The following ZYG11B variants were observed in gnomAD, a reference collection of about 807,000 sequenced individuals.
ZYG11B encodes the protein zyg-11 family member B, cell cycle regulator.
Under a neutral mutation model 82.4 loss-of-function variants are expected in ZYG11B, and 36 were observed. The ratio of observed to expected loss-of-function variants is 0.44; its 90% confidence interval spans 0.33 to 0.58. The LOEUF is 0.58. Among genes scored for constraint, ZYG11B ranks in the 20% least tolerant of loss-of-function variants. The pLI, the probability that ZYG11B is intolerant of heterozygous loss-of-function variation, is 0.02. For missense variants in ZYG11B, 552 were observed against 895.6 expected, an observed-to-expected ratio of 0.62 and a Z score of 4.90; for synonymous variants, 303 against 312.8, an observed-to-expected ratio of 0.97 and a Z score of 0.33.
At chr1:52,780,972 ATC>A in intron 4 of ZYG11B, among the ~76,000 whole-genome samples, 1 of 152,114 alleles carries the variant, frequency 6.6e-6, no homozygotes. Flanking sequence ...GCGAAACCCC[ATC>A]TCTACTAAAA....
rs993811143 is a variant in ZYG11B, at chr1:52,785,119, A to G, written c.1269+66A>G. 6 of 1,510,626 alleles carry G rather than the reference A, an allele frequency of 4.0e-6. No homozygotes were observed. In the African/African-American group the frequency reaches 8.4e-5, roughly 21 times the overall value. The allele number at this position is 1,510,626 out of a possible 1,614,324, so 93.6% of individuals were successfully genotyped here. ...GTCTTCTACTCATCTCCTACAGTTC[A>G]GTTTAATAGACCAAGGCTGGAAATT... On this transcript the variant is annotated intron_variant, in intron 5 of 13. Transcript: ENST00000294353.
At chr1:52,747,588 T>TC (rs1408180729) in intron 1 of ZYG11B, among the ~76,000 whole-genome samples, 1 of 151,288 alleles carries the variant, frequency 6.6e-6, no homozygotes, top group Non-Finnish European at 1.5e-5. Flanking sequence ...CTTTTTTTTT[T>TC]CTCTCTCTCG....
chr1:52,753,304 T>C (rs11206007), intron 1 of ZYG11B, among the ~76,000 whole-genome samples: 5,945 of 152,276 alleles, frequency 0.039, 364 homozygotes, highest in African/African-American at 0.13. Flanking sequence ...TAAGCTGTTT[T>C]CCAAGGCAGC....
intron 10 of ZYG11B, among the ~76,000 whole-genome samples, chr1:52,803,243 CACACACAT>C (rs767528615): frequency 0.014 from 713 of 51,802 alleles, 72 homozygotes; most frequent in African/African-American, 0.08. Flanking sequence ...TATATATACA[CACACACAT>C]ATATATATAT....
At chr1:52,734,312 G>A (rs1644359333) in intron 1 of ZYG11B, among the ~76,000 whole-genome samples, 1 of 151,992 alleles carries the variant, frequency 6.6e-6, no homozygotes, top group Non-Finnish European at 1.5e-5. Flanking sequence ...TGAATGTAAT[G>A]ATGTGAGCCT....
intron 13 of ZYG11B, among the ~76,000 whole-genome samples, chr1:52,821,088 TAAA>T (rs753617042): frequency 1.6e-5 from 2 of 122,118 alleles, no homozygotes; most frequent in Non-Finnish European, 3.6e-5. Context: ...AGACTCTGTC[TAAA>T]AAAAAAAAAA....
chr1:52,779,167 A>G (rs1644834037), intron 3 of ZYG11B, among the ~76,000 whole-genome samples: 1 of 152,196 alleles, frequency 6.6e-6, no homozygotes. Flanking sequence ...TTGCTGAGAA[A>G]AAGCTTGACT....
In ZYG11B at chr1:52,771,345, T is replaced by C; in HGVS notation, c.522T>C (p.Phe174=). The C allele has an allele frequency of 1.2e-6, 2 of 1,614,228 alleles. No homozygotes were observed. Among genetic ancestry groups the C allele is most frequent in the Non-Finnish European group, 1.7e-6 (2 of 1,180,046 alleles). The change falls in exon 3 of 14, where the codon TTT becomes TTC. Residue 174 remains phenylalanine, a synonymous_variant. Transcript: ENST00000294353. The surrounding 1 kb of genome is among the most constrained non-coding windows in gnomAD (Gnocchi z 5.4). ...LRALSITNVL[F]YNEDLAEVAS... is the part of the protein sequence containing the mutation. ...CTTTAAGCATCACGAATGTTCTCTT[T>C]TACAATGAAGACCTGGCTGAAGTTG...
chr1:52,726,460 G>A lies in ZYG11B; in HGVS notation c.-194G>A. 2 of 480,048 alleles carry A rather than the reference G, an allele frequency of 4.2e-6. No individual in the cohort carries two copies. Among genetic ancestry groups the A allele is most frequent in the East Asian group, 7.6e-5 (2 of 26,204 alleles). 29.7% of individuals were successfully genotyped at this position (480,048 alleles called of 1,614,324 possible). Reference sequence around the variant, plus strand: ...GCGGGTCCTCGCGGGGGCGGAGTCTGCGCTCTGGTTCGGGCTGCGGCTGCG... The same window carrying A: ...GCGGGTCCTCGCGGGGGCGGAGTCTACGCTCTGGTTCGGGCTGCGGCTGCG... On this transcript the variant is annotated 5_prime_UTR_variant, in exon 1 of 14. Coordinates refer to ENST00000294353, the MANE Select transcript of ZYG11B (RefSeq NM_024646.3).
chr1:52,739,404 A>G (rs1258914635), intron 1 of ZYG11B, among the ~76,000 whole-genome samples: 1 of 152,166 alleles, frequency 6.6e-6, no homozygotes, highest in African/African-American at 2.4e-5. Flanking sequence ...CTCTTAAAGA[A>G]AAGGTAGTAA....
At chr1:52,801,748 G>A (rs565110974) in intron 8 of ZYG11B, 71 bp from the exon 9 acceptor site, 180 of 1,284,208 alleles carry the variant, frequency 1.4e-4, no homozygotes, top group Middle Eastern at 8.0e-4. Flanking sequence ...ATGGACTTGG[G>A]GTTATTAATC....
At chr1:52,746,777 T>C (rs1393405091) in intron 1 of ZYG11B, among the ~76,000 whole-genome samples, 1 of 139,236 alleles carries the variant, frequency 7.2e-6, no homozygotes, top group Non-Finnish European at 1.5e-5. Flanking sequence ...TCAGGGGCTG[T>C]GTCACTCTGC....
intron 10 of ZYG11B, among the ~76,000 whole-genome samples, chr1:52,806,326 T>A (rs1253082463): frequency 1.3e-5 from 2 of 152,186 alleles, no homozygotes; most frequent in Non-Finnish European, 2.9e-5. Flanking sequence ...AATAATTAGA[T>A]TGTACAGTGT....
At chr1:52,754,776 G>A (rs1160865017) in intron 1 of ZYG11B, among the ~76,000 whole-genome samples, 2 of 152,090 alleles carry the variant, frequency 1.3e-5, no homozygotes, top group Admixed American at 1.3e-4. Context: ...AAACTTTACT[G>A]ATCTAAAGCC....
chr1:52,727,021 CT>C (rs1452542095), intron 1 of ZYG11B, among the ~76,000 whole-genome samples: 1 of 151,926 alleles, frequency 6.6e-6, no homozygotes, highest in Admixed American at 6.6e-5. Flanking sequence ...ATCATTTTGC[CT>C]TTTTTCCTCT....
At chr1:52,749,661 T>C (rs1170786880) in intron 1 of ZYG11B, among the ~76,000 whole-genome samples, 2 of 152,158 alleles carry the variant, frequency 1.3e-5, no homozygotes, top group Non-Finnish European at 2.9e-5. Flanking sequence ...TGGAGTGCAA[T>C]GGTGCGATCT....
chr1:52,777,542 T>A (rs1644820346), intron 3 of ZYG11B, among the ~76,000 whole-genome samples: 1 of 152,134 alleles, frequency 6.6e-6, no homozygotes, highest in South Asian at 2.1e-4. Context: ...ATTCGTGGGC[T>A]CAAGCAGTCC....
chr1:52,787,846 ACT>A (rs1644926797), intron 5 of ZYG11B, among the ~76,000 whole-genome samples: 1 of 152,116 alleles, frequency 6.6e-6, no homozygotes, highest in African/African-American at 2.4e-5. Flanking sequence ...AAATGCAAAT[ACT>A]GTAAACTATT....
At chr1:52,732,594 G>A (rs539219035) in intron 1 of ZYG11B, among the ~76,000 whole-genome samples, 73 of 152,168 alleles carry the variant, frequency 4.8e-4, no homozygotes, top group African/African-American at 9.4e-4. Context: ...AAGACACCCC[G>A]TCTCTACTAA....
Sources: gnomAD v4.1 joint callset for allele counts (sites outside exome capture counted in the v4.1 genomes callset) on GRCh38, gnomAD v4.1.1 for gene constraint, Gnocchi (gnomAD v3.1) non-coding constraint, MANE v1.5 for transcripts, NCBI Gene and HGNC (gene_info 2026-07-23, HGNC 2026-07-21) for gene names.